PKD1: variants seen among roughly 807,000 people sequenced by gnomAD.
The protein encoded by PKD1 is polycystin-1.
PKD1 carries 81 observed loss-of-function variants against 361.7 expected under a neutral mutation model. The observed-to-expected ratio is 0.22, with a 90% CI of 0.19 to 0.27. The LOEUF (loss-of-function observed/expected upper bound fraction) is 0.27. Among genes scored for constraint, PKD1 ranks in the 10% least tolerant of loss-of-function variants. PKD1 has a pLI of 1.00. For missense variants in PKD1, 6,399 were observed against 6,118.3 expected, an observed-to-expected ratio of 1.05 and a Z score of -1.53; for synonymous variants, 3,615 against 2,818.3, an observed-to-expected ratio of 1.28 and a Z score of -8.95.
intron 20 of PKD1, 118 bp downstream of exon 20, chr16:2,105,747 C>G (rs952162755): frequency 1.5e-6 from 2 of 1,337,950 alleles, no homozygotes; most frequent in African/African-American, 2.9e-5. Context: ...TTCAGGGTCA[C>G]TGGGATTTAT....
At chr16:2,119,464 T>A (rs2092688315) in intron 1 of PKD1, 86 bp from the exon 2 acceptor site, 1 of 775,500 alleles carries the variant, frequency 1.3e-6, no homozygotes, top group African/African-American at 1.7e-5. Context: ...ATTGCCAGCA[T>A]CCCCAAGCTA....
chr16:2,125,806 T>C (rs77872317), intron 1 of PKD1, among the ~76,000 whole-genome samples: 19,196 of 151,340 alleles, frequency 0.13, 1,898 homozygotes, highest in African/African-American at 0.27. Flanking sequence ...CCAGGCGTTG[T>C]GACCCCCTTG....
In PKD1 at chr16:2,106,429, G is replaced by T. The variant is rs2887405; in HGVS notation, c.7458C>A (p.Ala2486=). 3 of 1,589,084 alleles carry T rather than the reference G, an allele frequency of 1.9e-6. No homozygotes were observed. The highest frequency in any genetic ancestry group is 2.6e-6 in the Non-Finnish European group (3 of 1,171,970). ...CRLFPLGAVH[A]LTTKVHFECT... is the part of the protein sequence containing the mutation. ...ATTCGAAGTGCACCTTGGTGGTGAGGGCGTGCACAGCGCCCAGTGGGAAGA... is the reference window on the plus strand; with the variant it reads ...ATTCGAAGTGCACCTTGGTGGTGAGTGCGTGCACAGCGCCCAGTGGGAAGA... Residue 2486 remains alanine (A), a synonymous_variant, in exon 18 of 46, where the codon GCC becomes GCA. Coordinates refer to ENST00000262304, the MANE Select transcript of PKD1 (RefSeq NM_001009944.3). This position sits in a 1 kb window ranked among gnomAD's most constrained non-coding sequence, Gnocchi z 6.5.
At position 2,109,250 on chromosome 16, in the gene PKD1, C is replaced by T; in HGVS notation, c.5917G>A (p.Gly1973Arg). The T allele has an allele frequency of 1.3e-6, 2 of 1,587,076 alleles. No individual in the cohort carries two copies. The highest frequency in any genetic ancestry group is 1.7e-6 in the Non-Finnish European group (2 of 1,166,550). Reference protein sequence around the residue: ...VRIVVLEAVSGLQVPNCCEPG... With the variant: ...VRIVVLEAVSRLQVPNCCEPG... Reference sequence around the variant, plus strand: ...TCGCAGCAGTTGGGCACCTGCAGCCCACTCACGGCCTCCAGCACCACGATG... The same window carrying T: ...TCGCAGCAGTTGGGCACCTGCAGCCTACTCACGGCCTCCAGCACCACGATG... The change falls in exon 15 of 46, where the codon GGG (glycine) becomes AGG (arginine). Residue 1973 changes from glycine (G) to arginine (R), a missense_variant. Gly to Arg is a moderately radical substitution (Grantham distance 125). Transcript: ENST00000262304.
Position 2,110,272 on chromosome 16 carries a change from A to G in PKD1, c.4895T>C (p.Ile1632Thr), listed in dbSNP as rs2092467346. The G allele has an allele frequency of 1.2e-6, 2 of 1,612,486 alleles. No individual in the cohort carries two copies. Among genetic ancestry groups the G allele is most frequent in the Non-Finnish European group, 1.7e-6 (2 of 1,179,780 alleles). The part of the protein sequence containing the change: ...DSIFVYVLQL[I>T]EGLQVVGGGR... ...ACCGCCCACCACCTGCAGCCCCTCTATGAGCTGCAGGACATAGACGAAGAT... is the reference window on the plus strand; with the variant it reads ...ACCGCCCACCACCTGCAGCCCCTCTGTGAGCTGCAGGACATAGACGAAGAT... The change falls in exon 15 of 46, where the codon ATA (isoleucine) becomes ACA (threonine). Residue 1632 changes from isoleucine to threonine, a missense_variant. Physicochemically the swap from Ile to Thr is moderately conservative, Grantham distance 89. Coordinates refer to ENST00000262304, the MANE Select transcript of PKD1 (RefSeq NM_001009944.3).
Position 2,106,822 on chromosome 16 carries a change from T to G in PKD1, c.7192A>C (p.Ser2398Arg). 6.5e-7 allele frequency: 1 copy of G among 1,530,966 alleles called. No individual in the cohort carries two copies. 94.8% of individuals were successfully genotyped at this position (1,530,966 alleles called of 1,614,324 possible). A position where few individuals can be genotyped will look rare whatever the true frequency, so the allele number is the denominator to read the frequency against. ...YLEGRCLNCS[S>R]GSKRGRWAAR... ...ACACTCACCCCTCGCTTGGAGCCGC[T>G]GCTGCAATTGAGGCAGCGGCCCTCC... The change falls in exon 17 of 46, where the codon AGC becomes CGC. Residue 2398 changes from serine to arginine, a missense_variant. Coordinates refer to ENST00000262304, the MANE Select transcript of PKD1 (RefSeq NM_001009944.3). This position sits in a 1 kb window ranked among gnomAD's most constrained non-coding sequence, Gnocchi z 6.5.
chr16:2,096,660 C>T (rs1445663794), intron 34 of PKD1, among the ~76,000 whole-genome samples: 7 of 152,140 alleles, frequency 4.6e-5, no homozygotes, highest in African/African-American at 1.7e-4. Context: ...GGACTACAGG[C>T]GCCTGCCAGC....
At position 2,111,413 on chromosome 16, in the gene PKD1, C is replaced by T. The variant is rs766892690; in HGVS notation, c.3754G>A (p.Val1252Met). The change falls in exon 15 of 46, where the codon GTG becomes ATG. Residue 1252 changes from valine (V) to methionine (M), a missense_variant. Transcript: ENST00000262304. ...TWTFDMGDGT[V>M]LSGPEATVEH... is the part of the protein sequence containing the mutation. ...ACTGTTGCCTCCGGGCCCGACAGCA[C>T]GGTGCCGTCCCCCATGTCGAAGGTC... is the stretch of plus-strand genomic sequence containing the variant. 8.7e-6 allele frequency: 14 copies of T among 1,611,718 alleles called. No homozygotes were observed. Among genetic ancestry groups the T allele is most frequent in the African/African-American group, 4.0e-5 (3 of 75,010 alleles).
rs1329847323 is a variant in PKD1 at position 2,099,888 on chromosome 16, T to C, written c.9896A>G (p.Tyr3299Cys). 1 of 1,566,688 alleles carries C rather than the reference T, an allele frequency of 6.4e-7. No individual in the cohort carries two copies. Among genetic ancestry groups the C allele is most frequent in the Non-Finnish European group, 8.6e-7 (1 of 1,157,192 alleles). ...CLFLGANAVW[Y>C]GAVGDSAYST... ...GTAGGCAGAGTCGCCAACAGCCCCG[T>C]ACCACACGGCGTTGGCGCCCAGGAA... is the stretch of plus-strand genomic sequence containing the variant. The change falls in exon 29 of 46, where the codon TAC becomes TGC. Residue 3299 changes from tyrosine to cysteine, a missense_variant. By Grantham distance (194) the Tyr-to-Cys change is radical (BLOSUM62 -2). Transcript: ENST00000262304.
Position 2,107,923 on chromosome 16 carries a change from A to G in PKD1, c.7025T>C (p.Val2342Ala). 1 of 1,545,874 alleles carries G rather than the reference A, an allele frequency of 6.5e-7. No individual in the cohort carries two copies. The highest frequency in any genetic ancestry group is 1.4e-5 in the African/African-American group (1 of 73,066). The change falls in exon 16 of 46, where the codon GTG becomes GCG. Residue 2342 changes from valine to alanine, a missense_variant. By Grantham distance (64) the Val-to-Ala change is moderately conservative. Transcript: ENST00000262304. ...AGVEYTFSLT[V>A]WKAGRKEEAT... Reference sequence around the variant, plus strand: ...CTCCTCCTTGCGGCCGGCCTTCCACACGGTCAGGCTGAAGGTGTACTCCAC... The same window carrying G: ...CTCCTCCTTGCGGCCGGCCTTCCACGCGGTCAGGCTGAAGGTGTACTCCAC...
At position 2,092,145 on chromosome 16, in the gene PKD1, C is replaced by A. The variant is rs776847185; in HGVS notation, c.11313G>T (p.Ser3771=). Residue 3771 remains serine (S), a synonymous_variant, in exon 40 of 46, where the codon TCG becomes TCT. Coordinates refer to ENST00000262304, the MANE Select transcript of PKD1 (RefSeq NM_001009944.3). ...DPPGPRVHTC[S]AAGGFSTSDY... is the part of the protein sequence containing the mutation. The stretch of plus-strand genomic sequence containing the variant: ...CGCTGGTGCTGAAGCCTCCTGCGGC[C>A]GAGCACGTGTGGACCCTGGGGCCGG... 1.9e-6 allele frequency: 3 copies of A among 1,612,424 alleles called. No individual in the cohort carries two copies. In the African/African-American group the frequency reaches 4.0e-5, roughly 22 times the overall value.
chr16:2,092,797 G>GT, intron 38 of PKD1, 157 bp downstream of exon 38: 1 of 942,154 alleles, frequency 1.1e-6, no homozygotes. Context: ...ACACGGACCT[G>GT]TGTCCCTCCC....
At chr16:2,121,952 C>T (rs1481658483) in intron 1 of PKD1, among the ~76,000 whole-genome samples, 1 of 152,262 alleles carries the variant, frequency 6.6e-6, no homozygotes, top group African/African-American at 2.4e-5. Flanking sequence ...CCTGAACACC[C>T]GCCCAGCCCC....
At chr16:2,119,668 C>T (rs572706713) in intron 1 of PKD1, 7 of 612,058 alleles carry the variant, frequency 1.1e-5, no homozygotes, top group Non-Finnish European at 2.0e-5. Context: ...CACGGACCCC[C>T]AACCCATCCC....
chr16:2,135,249 C>G (rs2092936803), intron 1 of PKD1: 2 of 984,676 alleles, frequency 2.0e-6, no homozygotes, highest in Admixed American at 1.2e-4. Context: ...GTCTGCAGAG[C>G]CCCCGGGTGG....
At chr16:2,112,315 G>A (rs1008437957) in intron 14 of PKD1, 25 bp downstream of exon 14, 3 of 1,576,524 alleles carry the variant, frequency 1.9e-6, no homozygotes, top group Non-Finnish European at 2.6e-6. Context: ...AAAGGCAGTG[G>A]CCCCCTCACC....
At chr16:2,093,138 A>G (rs1425254738) in intron 37 of PKD1, 45 bp from the exon 38 acceptor site, 1 of 1,608,312 alleles carries the variant, frequency 6.2e-7, no homozygotes, top group Admixed American at 1.7e-5. Context: ...CCCAGCCCAC[A>G]GTGACAGCAG....
Position 2,100,378 on chromosome 16 carries a change from G to C in PKD1, c.9568+18C>G, listed in dbSNP as rs763415125. Reference sequence around the variant, plus strand: ...ATGCGGGGGCAGAGGGGCAGAGCTTGGCAGGGTCCGCACAAACCTTTGTTG... The same window carrying C: ...ATGCGGGGGCAGAGGGGCAGAGCTTCGCAGGGTCCGCACAAACCTTTGTTG... On this transcript the variant is annotated intron_variant, in intron 27 of 45. Transcript: ENST00000262304. The surrounding 1 kb of genome is among the most constrained non-coding windows in gnomAD (Gnocchi z 4.4). 6.2e-7 allele frequency: 1 copy of C among 1,611,176 alleles called. No individual in the cohort carries two copies. Among genetic ancestry groups the C allele is most frequent in the Middle Eastern group, 2.3e-4 (1 of 4,430 alleles).
chr16:2,098,279 G>A, intron 30 of PKD1: 1 of 477,168 alleles, frequency 2.1e-6, no homozygotes, highest in Non-Finnish European at 3.9e-6. Flanking sequence ...CGCAATCTCA[G>A]CTCACTGCAA....
Sources: allele counts gnomAD v4.1 joint callset (sites outside exome capture counted in the v4.1 genomes callset), GRCh38; gene constraint gnomAD v4.1.1; non-coding constraint Gnocchi (gnomAD v3.1); transcripts MANE v1.5; gene names NCBI Gene and HGNC (gene_info 2026-07-23, HGNC 2026-07-21).